Variants in ARFGEF2 observed in about 807,000 individuals in gnomAD.
ARFGEF2 encodes the protein brefeldin A-inhibited guanine nucleotide-exchange protein 2.
A neutral mutation model predicts 219.9 loss-of-function variants in ARFGEF2; 74 were observed. The ratio of observed to expected loss-of-function variants is 0.34; its 90% CI spans 0.28 to 0.41. The LOEUF (loss-of-function observed/expected upper bound fraction) is 0.41, where lower values mean the gene tolerates loss of function less well. Ranked by LOEUF, ARFGEF2 falls within the 10% of genes least tolerant of loss-of-function variation. The pLI, the probability that ARFGEF2 is intolerant of heterozygous loss-of-function variation, is 1.00. For synonymous variants in ARFGEF2, 733 were observed against 799.2 expected, an observed-to-expected ratio of 0.92 and a Z score of 1.40; for missense variants, 1,743 against 2,218.3, an observed-to-expected ratio of 0.79 and a Z score of 4.30.
intron 15 of ARFGEF2, 145 bp downstream of exon 15, chr20:48,984,985 G>A (rs1159316684): frequency 1.1e-5 from 16 of 1,446,356 alleles, no homozygotes; most frequent in African/African-American, 8.5e-5. Context: ...GTCCACCCCC[G>A]GGTTACAGCA....
chr20:48,967,967 ATTAATC>A (rs1411126668), intron 8 of ARFGEF2, among the ~76,000 whole-genome samples: 1 of 152,068 alleles, frequency 6.6e-6, no homozygotes, highest in Admixed American at 6.6e-5. Flanking sequence ...TGTGGGGGAT[ATTAATC>A]TTTATTATAT....
chr20:49,033,259 T>TG lies in ARFGEF2; in HGVS notation c.*62dup. On this transcript the variant is annotated 3_prime_UTR_variant, in exon 39 of 39. Coordinates refer to ENST00000371917, the MANE Select transcript of ARFGEF2 (RefSeq NM_006420.3). ...GAATGTTCAGCATGCCATTTCTGAC[T>TG]GGCACATCTCGTGAAGTTTCATAGA... The TG allele has an allele frequency of 6.3e-7, 1 of 1,589,866 alleles. No individual in the cohort carries two copies. The highest frequency in any genetic ancestry group is 8.6e-7 in the Non-Finnish European group (1 of 1,159,772).
intron 18 of ARFGEF2, among the ~76,000 whole-genome samples, chr20:48,988,867 A>C (rs1376670667): frequency 6.6e-6 from 1 of 152,254 alleles, no homozygotes; most frequent in East Asian, 1.9e-4. Flanking sequence ...GAAGGAATTT[A>C]AAATTAGTAA....
chr20:48,986,991 T>C (rs1218893574), intron 16 of ARFGEF2, among the ~76,000 whole-genome samples: 1 of 152,208 alleles, frequency 6.6e-6, no homozygotes, highest in African/African-American at 2.4e-5. Flanking sequence ...AAATGTGAGC[T>C]ACCACACCTG....
intron 3 of ARFGEF2, among the ~76,000 whole-genome samples, chr20:48,946,300 C>G (rs1259547186): frequency 1.3e-5 from 2 of 152,082 alleles, no homozygotes; most frequent in Admixed American, 1.3e-4. Flanking sequence ...TGGGAGAAGC[C>G]TGGAGACTTC....
chr20:48,969,326 C>T, intron 9 of ARFGEF2, 49 bp downstream of exon 9: 4 of 1,613,572 alleles, frequency 2.5e-6, no homozygotes, highest in Non-Finnish European at 3.4e-6. Flanking sequence ...GATCCAGCAG[C>T]ACATGGTACT....
At chr20:48,936,201 G>C (rs2090954192) in intron 1 of ARFGEF2, among the ~76,000 whole-genome samples, 1 of 144,862 alleles carries the variant, frequency 6.9e-6, no homozygotes, top group African/African-American at 2.6e-5. Flanking sequence ...GGGGCGGCCG[G>C]GCAGAGGCGC....
intron 26 of ARFGEF2, among the ~76,000 whole-genome samples, chr20:49,008,882 A>G (rs927238242): frequency 1.3e-5 from 2 of 151,902 alleles, no homozygotes; most frequent in Admixed American, 1.3e-4. Context: ...TAATTTTTGT[A>G]TTTTTAGTAG....
At chr20:48,943,335 A>G (rs957040242) in intron 3 of ARFGEF2, among the ~76,000 whole-genome samples, 4 of 152,224 alleles carry the variant, frequency 2.6e-5, no homozygotes, top group South Asian at 4.1e-4. Flanking sequence ...ATTTGCAAGT[A>G]TAGCTGCAAA....
intron 2 of ARFGEF2, 50 bp from the exon 3 acceptor site, chr20:48,941,814 G>A (rs2090994519): frequency 6.2e-7 from 1 of 1,613,708 alleles, no homozygotes; most frequent in African/African-American, 1.3e-5. Context: ...GTTAGAGTAA[G>A]GTGTAGAAAA....
rs188486306 is a variant in ARFGEF2 at position 48,950,412 on chromosome 20, T to C, written c.277-911T>C. On this transcript the variant is annotated intron_variant, in intron 3 of 38. Coordinates refer to ENST00000371917, the MANE Select transcript of ARFGEF2 (RefSeq NM_006420.3). ...ATGTTATTAGTTTCTTAGGTATCTT[T>C]CCATTGAAAGAAAATACATATTCAT... Among the ~76,000 whole-genome samples, 1,059 of 152,158 alleles carry C rather than the reference T, an allele frequency of 7.0e-3. 15 individuals are homozygous for C. Among genetic ancestry groups the C allele is most frequent in the African/African-American group, 0.023 (970 of 41,502 alleles).
intron 10 of ARFGEF2, among the ~76,000 whole-genome samples, chr20:48,971,656 C>G (rs1188480964): frequency 6.6e-6 from 1 of 152,030 alleles, no homozygotes; most frequent in Non-Finnish European, 1.5e-5. Flanking sequence ...AATCCCAGCA[C>G]TTTGGGAAGC....
chr20:48,951,067 G>T (rs1311166035), intron 3 of ARFGEF2, among the ~76,000 whole-genome samples: 1 of 151,952 alleles, frequency 6.6e-6, no homozygotes, highest in Non-Finnish European at 1.5e-5. Context: ...CAGGCTTGCA[G>T]AGATGGTTGC....
chr20:48,985,273 C>A, intron 15 of ARFGEF2, 135 bp from the exon 16 acceptor site: 1 of 925,066 alleles, frequency 1.1e-6, no homozygotes, highest in Non-Finnish European at 1.7e-6. Flanking sequence ...CAGGGAGTTC[C>A]CTAGCTTTTT....
At chr20:49,000,358 A>G (rs2091418157) in intron 25 of ARFGEF2, among the ~76,000 whole-genome samples, 1 of 152,212 alleles carries the variant, frequency 6.6e-6, no homozygotes, top group African/African-American at 2.4e-5. Flanking sequence ...TCATTTTATG[A>G]TAAGATAACT....
chr20:49,024,450 G>A (rs1026627143), intron 35 of ARFGEF2, among the ~76,000 whole-genome samples: 6 of 152,290 alleles, frequency 3.9e-5, no homozygotes, highest in South Asian at 2.1e-4. Flanking sequence ...CAGTCAAAGC[G>A]GCTGCCACCT....
chr20:48,995,286 T>G (rs1600641626), intron 22 of ARFGEF2, among the ~76,000 whole-genome samples: 1 of 152,278 alleles, frequency 6.6e-6, no homozygotes, highest in East Asian at 1.9e-4. Flanking sequence ...CTACGGAGTG[T>G]AGGCTTCTAG....
chr20:49,011,931 T>C lies in ARFGEF2; in HGVS notation c.3765T>C (p.Ile1255=). ...TGCCTTGTGTTCCCCCAGCAACTATTTTCCAGCACCATTTTCCTGCAGCCA... is the reference window on the plus strand; with the variant it reads ...TGCCTTGTGTTCCCCCAGCAACTATCTTCCAGCACCATTTTCCTGCAGCCA... ...FQTTCHIVTT[I]FQHHFPAAID... The change falls in exon 28 of 39, where the codon ATT becomes ATC. Residue 1255 remains isoleucine (I), a synonymous_variant. Transcript: ENST00000371917. The C allele has an allele frequency of 1.2e-6, 2 of 1,614,218 alleles. No homozygotes were observed. Among genetic ancestry groups the C allele is most frequent in the Non-Finnish European group, 1.7e-6 (2 of 1,180,036 alleles).
intron 14 of ARFGEF2, among the ~76,000 whole-genome samples, chr20:48,978,228 A>G (rs2091274327): frequency 1.3e-5 from 2 of 152,232 alleles, no homozygotes; most frequent in South Asian, 4.1e-4. Context: ...CATTTATTAA[A>G]TAGGAAATCC....
Sources: allele counts gnomAD v4.1 joint callset (sites outside exome capture counted in the v4.1 genomes callset), GRCh38; gene constraint gnomAD v4.1.1; transcripts MANE v1.5; gene names NCBI Gene and HGNC (gene_info 2026-07-23, HGNC 2026-07-21).